The following FANCA variants were observed in gnomAD, a reference collection of about 807,000 sequenced individuals.
The protein encoded by FANCA is Fanconi anemia group A protein.
In FANCA, 236 loss-of-function variants were observed where a neutral mutation model predicts 194.3. That is an observed-to-expected ratio of 1.21 (90% confidence interval 1.09 to 1.35). FANCA has a LOEUF of 1.35. FANCA is among the 40% of genes most tolerant of loss of function. FANCA has a pLI of 0.00. For synonymous variants in FANCA, 1,014 were observed against 715.8 expected (o/e 1.42, Z -6.65); for missense variants, 2,628 against 1,813.9 (o/e 1.45, Z -8.15).
At chr16:89,799,041 T>C (rs779602819) in intron 10 of FANCA, 125 bp downstream of exon 10, 3 of 1,614,268 alleles carry the variant, frequency 1.9e-6, no homozygotes, top group Non-Finnish European at 2.5e-6. Flanking sequence ...TTATCGTAAC[T>C]GGCAGAGGAA....
intron 36 of FANCA, 27 bp from the exon 37 acceptor site, chr16:89,742,965 C>T (rs2062173124): frequency 6.2e-7 from 1 of 1,611,586 alleles, no homozygotes; most frequent in Middle Eastern, 1.7e-4. Context: ...GGGGTCATTG[C>T]AGGGCCTTAC....
intron 8 of FANCA, 106 bp from the exon 9 acceptor site, chr16:89,799,744 G>A (rs1330464630): frequency 3.9e-6 from 4 of 1,016,694 alleles, no homozygotes; most frequent in East Asian, 2.4e-5. Context: ...GTAAAGAAAC[G>A]GCACTTCAGG....
At chr16:89,752,541 A>T (rs2038632168) in intron 30 of FANCA, among the ~76,000 whole-genome samples, 1 of 152,270 alleles carries the variant, frequency 6.6e-6, no homozygotes, top group Non-Finnish European at 1.5e-5. Context: ...AAGAATAGTT[A>T]TACCAGATAT....
At chr16:89,748,868 A>C in intron 32 of FANCA, 101 bp from the exon 33 acceptor site, 1 of 953,174 alleles carries the variant, frequency 1.0e-6, no homozygotes, top group Non-Finnish European at 1.6e-6. Context: ...CCTGAAACCC[A>C]GGGCCACTGT....
chr16:89,791,597 G>A lies in FANCA; in HGVS notation c.1226-61C>T, dbSNP rs2143527378. 5.0e-6 allele frequency: 8 copies of A among 1,604,948 alleles called. No individual in the cohort carries two copies. The South Asian group carries it at 7.8e-5, about 16-fold the overall frequency. On this transcript the variant is annotated intron_variant, in intron 13 of 42. Transcript: ENST00000389301. Reference sequence around the variant, plus strand: ...AGGGCAGCCAGCAGGAACATGACGTGAGTTATGCTGGGTGATCAAGTATTC... The same window carrying A: ...AGGGCAGCCAGCAGGAACATGACGTAAGTTATGCTGGGTGATCAAGTATTC...
Position 89,770,248 on chromosome 16 carries a change from C to A in FANCA, c.2234G>T (p.Trp745Leu), listed in dbSNP as rs1338018512. ...CATGGTCCTCACGAAGAGGGCAGCC[C>A]AGGGACCCTGCCTGCAGAGACAGCC... ...SVAPPERQGP[W>L]AALFVRTMCG... The change falls in exon 25 of 43, where the codon TGG becomes TTG. Residue 745 changes from tryptophan (W) to leucine (L), a missense_variant. Physicochemically the swap from Trp to Leu is moderately conservative, Grantham distance 61. Coordinates refer to ENST00000389301, the MANE Select transcript of FANCA (RefSeq NM_000135.4). 12 of 1,578,582 alleles carry A rather than the reference C, an allele frequency of 7.6e-6. No individual in the cohort carries two copies. Among genetic ancestry groups the A allele is most frequent in the Non-Finnish European group, 9.5e-6 (11 of 1,162,276 alleles).
intron 27 of FANCA, among the ~76,000 whole-genome samples, chr16:89,766,597 C>A (rs968697946): frequency 1.3e-5 from 2 of 151,928 alleles, no homozygotes; most frequent in Non-Finnish European, 2.9e-5. Flanking sequence ...TGCCTGTAAT[C>A]CCAGCAACTT....
intron 30 of FANCA, among the ~76,000 whole-genome samples, chr16:89,757,817 C>T (rs1049933838): frequency 2.6e-5 from 4 of 152,174 alleles, no homozygotes; most frequent in African/African-American, 7.2e-5. Context: ...CCATTTGTGC[C>T]GTGCTTCACA....
chr16:89,781,158 A>C (rs1165577837), intron 17 of FANCA, among the ~76,000 whole-genome samples: 1 of 151,936 alleles, frequency 6.6e-6, no homozygotes, highest in African/African-American at 2.4e-5. Flanking sequence ...AGGTCAGGAG[A>C]CCGAGACCAT....
chr16:89,774,406 G>A (rs963665530), intron 21 of FANCA, among the ~76,000 whole-genome samples: 1 of 152,058 alleles, frequency 6.6e-6, no homozygotes, highest in Non-Finnish European at 1.5e-5. Context: ...GGCCCCTGTG[G>A]CATCCCCAGC....
chr16:89,749,809 T>G lies in FANCA; in HGVS notation c.3160A>C (p.Arg1054=). The G allele has an allele frequency of 6.2e-7, 1 of 1,614,238 alleles. No homozygotes were observed. Among genetic ancestry groups the G allele is most frequent in the Non-Finnish European group, 8.5e-7 (1 of 1,180,046 alleles). ...CCGCTTGTCAGAGCCTGGAGCCGTC[T>G]GCGGAAAATCTCAAAGAGGAAGTGC... ...QEHFLFEIFR[R]RLQALTSGWS... The change falls in exon 32 of 43, where the codon AGA becomes CGA. Residue 1054 remains arginine (R), a synonymous_variant. Coordinates refer to ENST00000389301, the MANE Select transcript of FANCA (RefSeq NM_000135.4).
intron 28 of FANCA, chr16:89,762,734 G>A: frequency 2.2e-6 from 1 of 451,934 alleles, no homozygotes; most frequent in South Asian, 1.6e-5. Context: ...CTGAACTCCA[G>A]AATTCTCCCC....
rs1214852668 is a variant in FANCA, at chr16:89,750,029, C to A, written c.3067-127G>T. The A allele has an allele frequency of 3.3e-6, 3 of 910,144 alleles. No homozygotes were observed. In the East Asian group the frequency reaches 7.7e-5, roughly 23 times the overall value. 56.4% of individuals were successfully genotyped at this position (910,144 alleles called of 1,614,324 possible). On this transcript the variant is annotated intron_variant, in intron 31 of 42. Transcript: ENST00000389301. ...ACAGGGCAAGAAGGAACAAGTGGGG[C>A]AAGCTATTTCAATTGGAAATCACTT...
intron 29 of FANCA, among the ~76,000 whole-genome samples, chr16:89,760,831 T>C (rs2239356): frequency 0.06 from 9,098 of 152,250 alleles, 421 homozygotes; most frequent in East Asian, 0.22. Context: ...CGGCCCTGTC[T>C]GTTATCTCCA....
Position 89,746,815 on chromosome 16 carries a change from T to C in FANCA, c.3408+16A>G, listed in dbSNP as rs373636902. Reference sequence around the variant, plus strand: ...GTTCTGAGAAGGCCACGAGAGGGGCTGAGGGAGCATCTCACCCTGAAGAAG... The same window carrying C: ...GTTCTGAGAAGGCCACGAGAGGGGCCGAGGGAGCATCTCACCCTGAAGAAG... On this transcript the variant is annotated intron_variant, in intron 34 of 42. Coordinates refer to ENST00000389301, the MANE Select transcript of FANCA (RefSeq NM_000135.4). 172 of 1,569,152 alleles carry C rather than the reference T, an allele frequency of 1.1e-4. No individual in the cohort carries two copies. Among genetic ancestry groups the C allele is most frequent in the Non-Finnish European group, 1.3e-4 (154 of 1,156,102 alleles).
chr16:89,809,457 G>T (rs1356834629), intron 5 of FANCA, among the ~76,000 whole-genome samples: 1 of 151,628 alleles, frequency 6.6e-6, no homozygotes, highest in Non-Finnish European at 1.5e-5. Flanking sequence ...GCTCACACCT[G>T]TAATCCCAGC....
chr16:89,739,370 T>C (rs2062063108), intron 40 of FANCA, 81 bp from the exon 41 acceptor site: 2 of 1,588,182 alleles, frequency 1.3e-6, no homozygotes, highest in Non-Finnish European at 1.7e-6. Context: ...TGCTCATCTG[T>C]GGAGCAGAGG....
rs1314042335 is a variant in FANCA, at chr16:89,746,877, GAGC to G, written c.3359_3361del (p.Cys1120del). On this transcript the variant is annotated inframe_deletion, in exon 34 of 43. Coordinates refer to ENST00000389301, the MANE Select transcript of FANCA (RefSeq NM_000135.4). The stretch of plus-strand genomic sequence containing the variant: ...GTCCTGTGTCAGGGCACCTCCGTGG[GAGC>G]AGAAGTTTCTCTGCAAAAGAGTTCA... 2.6e-6 allele frequency: 4 copies of G among 1,557,546 alleles called. No homozygotes were observed. Among genetic ancestry groups the G allele is most frequent in the African/African-American group, 2.7e-5 (2 of 73,214 alleles).
In FANCA at chr16:89,770,216, G is replaced by A. The variant is rs556748657; in HGVS notation, c.2266C>T (p.Arg756Cys). The A allele has an allele frequency of 3.7e-5, 59 of 1,593,022 alleles. No individual in the cohort carries two copies. The South Asian group carries it at 6.3e-4, about 17-fold the overall frequency. The change falls in exon 25 of 43, where the codon CGT (arginine) becomes TGT (cysteine). Residue 756 changes from arginine to cysteine, a missense_variant. Transcript: ENST00000389301. ...AALFVRTMCGRVLPAVLTRLC... is the reference protein window; with the variant it reads ...AALFVRTMCGCVLPAVLTRLC... ...CGGGTGAGCACTGCAGGGAGCACAC[G>A]TCCACACATGGTCCTCACGAAGAGG...
Sources: allele counts gnomAD v4.1 joint callset (sites outside exome capture counted in the v4.1 genomes callset), GRCh38; gene constraint gnomAD v4.1.1; transcripts MANE v1.5; gene names NCBI Gene and HGNC (gene_info 2026-07-23, HGNC 2026-07-21).